LRSAM1: variants seen among roughly 807,000 people sequenced by gnomAD.
LRSAM1 encodes leucine rich repeat and sterile alpha motif containing 1.
LRSAM1 carries 96 observed loss-of-function variants against 118.1 expected under a neutral mutation model. The observed-to-expected ratio is 0.81, with a 90% CI of 0.69 to 0.96. The LOEUF (loss-of-function observed/expected upper bound fraction) is 0.96, where lower values mean the gene tolerates loss of function less well. LRSAM1 is among the 40% of genes least tolerant of loss of function. LRSAM1 has a pLI of 0.00. For missense variants in LRSAM1, 804 were observed against 915.5 expected (o/e 0.88, Z 1.57); for synonymous variants, 322 against 364.2 (o/e 0.88, Z 1.32).
chr9:127,455,125 A>G (rs1198229195), intron 4 of LRSAM1, 71 bp downstream of exon 4: 12 of 1,483,882 alleles, frequency 8.1e-6, no homozygotes, highest in Non-Finnish European at 1.1e-5. Flanking sequence ...TCCCTAGGAA[A>G]GACAGAGGTG....
chr9:127,462,145 G>T (rs1834770785), intron 8 of LRSAM1, 107 bp from the exon 9 acceptor site: 1 of 1,515,164 alleles, frequency 6.6e-7, no homozygotes, highest in Non-Finnish European at 9.1e-7. Context: ...TCAGAGCCCA[G>T]GATCTGTTGT....
intron 3 of LRSAM1, 84 bp downstream of exon 3, chr9:127,454,683 G>A: frequency 7.2e-7 from 1 of 1,385,362 alleles, no homozygotes; most frequent in Non-Finnish European, 1.0e-6. Context: ...CCCCCAACAA[G>A]CCGTGCTCCT....
intron 7 of LRSAM1, among the ~76,000 whole-genome samples, chr9:127,460,013 AT>A (rs1834673411): frequency 6.6e-6 from 1 of 150,626 alleles, no homozygotes; most frequent in African/African-American, 2.4e-5. Flanking sequence ...GTTTGTTTGT[AT>A]TTTTGAGATA....
At chr9:127,489,312 ATCT>A (rs2132091284) in intron 18 of LRSAM1, 129 bp from the exon 19 acceptor site, 3 of 1,077,492 alleles carry the variant, frequency 2.8e-6, no homozygotes, top group East Asian at 2.6e-5. Flanking sequence ...GTGAGGTGAA[ATCT>A]TCTCCCTCTC....
intron 24 of LRSAM1, among the ~76,000 whole-genome samples, chr9:127,499,680 C>T (rs1836297911): frequency 6.6e-6 from 1 of 152,022 alleles, no homozygotes; most frequent in South Asian, 2.1e-4. Context: ...CCTGTAATCC[C>T]AGCACTTTGG....
In LRSAM1 at chr9:127,467,749, C is replaced by T. The variant is rs375143572; in HGVS notation, c.538C>T (p.Leu180Phe). The stretch of plus-strand genomic sequence containing the variant: ...ACCCTTGTGTCTGCAGATGCTGAGC[C>T]TTGACGCCTCGGCCATGGTCTACCC... ...AHVRTLEMLS[L>F]DASAMVYPPR... The change falls in exon 10 of 26, where the codon CTT becomes TTT. Residue 180 changes from leucine (L) to phenylalanine (F), a missense_variant. Transcript: ENST00000300417. The T allele has an allele frequency of 1.2e-6, 2 of 1,610,264 alleles. No homozygotes were observed. The highest frequency in any genetic ancestry group is 1.3e-5 in the African/African-American group (1 of 74,932).
At chr9:127,472,112 C>T (rs1835193427) in intron 10 of LRSAM1, among the ~76,000 whole-genome samples, 1 of 151,464 alleles carries the variant, frequency 6.6e-6, no homozygotes, top group Non-Finnish European at 1.5e-5. Context: ...CAGGCGCCCA[C>T]CACCACGCCT....
At chr9:127,476,663 GT>G (rs1334623148) in intron 11 of LRSAM1, among the ~76,000 whole-genome samples, 1 of 152,046 alleles carries the variant, frequency 6.6e-6, no homozygotes, top group Non-Finnish European at 1.5e-5. Flanking sequence ...ATTTTCGAGG[GT>G]GATGGAATTG....
rs1413090729 is a variant in LRSAM1 at position 127,459,059 on chromosome 9, G to A, written c.309G>A (p.Leu103=). Residue 103 remains leucine, a synonymous_variant, in exon 7 of 26, where the codon CTG becomes CTA. Transcript: ENST00000300417. ...LTALPDDLGQ[L]TALQVLNVER... ...CCCTTCCTGACGATCTGGGGCAGCTGACTGCCCTCCAGGTAAGGCTGCAGA... is the reference window on the plus strand; with the variant it reads ...CCCTTCCTGACGATCTGGGGCAGCTAACTGCCCTCCAGGTAAGGCTGCAGA... The A allele has an allele frequency of 6.2e-7, 1 of 1,613,658 alleles. No individual in the cohort carries two copies. The highest frequency in any genetic ancestry group is 8.5e-7 in the Non-Finnish European group (1 of 1,180,006).
chr9:127,476,948 A>AT (rs1354683606), intron 11 of LRSAM1, among the ~76,000 whole-genome samples: 1 of 152,188 alleles, frequency 6.6e-6, no homozygotes, highest in Non-Finnish European at 1.5e-5. Context: ...AAGTGCTGGG[A>AT]TTACAGGCAT....
Position 127,451,647 on chromosome 9 carries a change from G to T in LRSAM1, c.-211G>T, listed in dbSNP as rs376368787. The T allele has an allele frequency of 6.4e-5, 28 of 438,976 alleles. No homozygotes were observed. In the East Asian group the frequency reaches 7.7e-4, roughly 12 times the overall value. 27.2% of individuals were successfully genotyped at this position (438,976 alleles called of 1,614,324 possible). A position where few individuals can be genotyped will look rare whatever the true frequency, so the allele number is the denominator to read the frequency against. On this transcript the variant is annotated 5_prime_UTR_variant, in exon 1 of 26. Transcript: ENST00000300417. ...GGTGGCTCCGGTGATCCCAGCCCTAGCTGTTTCCCATATTCCTTTATCGTG... is the reference window on the plus strand; with the variant it reads ...GGTGGCTCCGGTGATCCCAGCCCTATCTGTTTCCCATATTCCTTTATCGTG...
intron 10 of LRSAM1, chr9:127,470,727 C>T (rs1588111513): frequency 6.6e-6 from 1 of 152,190 alleles, no homozygotes; most frequent in African/African-American, 2.4e-5. Flanking sequence ...GGATGAGTCT[C>T]ACAAACAATG....
intron 5 of LRSAM1, among the ~76,000 whole-genome samples, chr9:127,456,375 A>G (rs1318130885): frequency 6.7e-6 from 1 of 149,038 alleles, no homozygotes; most frequent in Non-Finnish European, 1.5e-5. Context: ...CTGGGATTAT[A>G]GGCGCCCACC....
chr9:127,466,536 A>C (rs1483108404), intron 9 of LRSAM1, among the ~76,000 whole-genome samples: 1 of 75,802 alleles, frequency 1.3e-5, no homozygotes, highest in Admixed American at 2.1e-4. Flanking sequence ...TTTTTCCACT[A>C]GAGATGGGGT....
intron 19 of LRSAM1, among the ~76,000 whole-genome samples, chr9:127,490,498 AG>A (rs1486537088): frequency 1.3e-5 from 2 of 151,968 alleles, no homozygotes; most frequent in African/African-American, 4.8e-5. Flanking sequence ...AGAGCCTGTG[AG>A]GGCCCCCCAC....
At chr9:127,480,115 T>C in intron 14 of LRSAM1, 137 bp downstream of exon 14, 2 of 1,167,574 alleles carry the variant, frequency 1.7e-6, no homozygotes, top group South Asian at 1.3e-5. Context: ...GTCTGGGTGC[T>C]TCAACTGGCA....
At chr9:127,497,813 G>T (rs1297430274) in intron 24 of LRSAM1, among the ~76,000 whole-genome samples, 1 of 152,230 alleles carries the variant, frequency 6.6e-6, no homozygotes, top group Non-Finnish European at 1.5e-5. Flanking sequence ...TCTGGGGTCT[G>T]CCATGTGCTG....
chr9:127,476,094 T>C (rs1835340777), intron 11 of LRSAM1, among the ~76,000 whole-genome samples: 1 of 152,208 alleles, frequency 6.6e-6, no homozygotes. Context: ...CGCTTCTCAA[T>C]GTATACCCAA....
At chr9:127,457,502 AC>A in intron 6 of LRSAM1, 109 bp downstream of exon 6, 1 of 969,464 alleles carries the variant, frequency 1.0e-6, no homozygotes, top group Non-Finnish European at 1.6e-6. Flanking sequence ...GGCCCAATCT[AC>A]CAGTCAGTCT....
Sources: gnomAD v4.1 joint callset for allele counts (sites outside exome capture counted in the v4.1 genomes callset) on GRCh38, gnomAD v4.1.1 for gene constraint, MANE v1.5 for transcripts, NCBI Gene and HGNC (gene_info 2026-07-23, HGNC 2026-07-21) for gene names.